Variants in LNX1 observed in about 807,000 individuals in gnomAD.
LNX1 encodes ligand of numb-protein X 1.
In LNX1, 54 loss-of-function variants were observed where a neutral mutation model predicts 68.4. The observed-to-expected ratio is 0.79, with a 90% CI of 0.63 to 0.99. The LOEUF (loss-of-function observed/expected upper bound fraction) is 0.99, where lower values mean the gene tolerates loss of function less well. LNX1 is among the 50% of genes least tolerant of loss of function. The pLI is 0.00. For synonymous variants in LNX1, 336 were observed against 350.0 expected (o/e 0.96, Z 0.45); for missense variants, 906 against 926.4 (o/e 0.98, Z 0.29).
At chr4:53,464,969 A>T (rs1722556615) in intron 9 of LNX1, among the ~76,000 whole-genome samples, 1 of 152,078 alleles carries the variant, frequency 6.6e-6, no homozygotes, top group South Asian at 2.1e-4. Context: ...AATCTGTAAG[A>T]TGTTTGATGA....
chr4:53,582,964 A>G (rs1333644100), intron 1 of LNX1, among the ~76,000 whole-genome samples: 3 of 152,216 alleles, frequency 2.0e-5, no homozygotes, highest in Non-Finnish European at 4.4e-5. Context: ...CCCAGCAGGC[A>G]TGTCTGCCTA....
chr4:53,631,313 CCA>C (rs1283329321), intron 1 of LNX1, among the ~76,000 whole-genome samples: 2 of 152,070 alleles, frequency 1.3e-5, no homozygotes, highest in Non-Finnish European at 2.9e-5. Context: ...CCTTTTCCAC[CCA>C]CTATTTCTGG....
chr4:53,596,483 C>T (rs920472725), upstream of LNX1, among the ~76,000 whole-genome samples: 4 of 152,190 alleles, frequency 2.6e-5, no homozygotes, highest in Non-Finnish European at 4.4e-5. Flanking sequence ...TTCATTGTTA[C>T]TGTGTTTATA....
intron 6 of LNX1, among the ~76,000 whole-genome samples, chr4:53,492,177 A>G (rs1433376139): frequency 6.6e-6 from 1 of 152,120 alleles, no homozygotes; most frequent in Non-Finnish European, 1.5e-5. Flanking sequence ...TATGAGCAGA[A>G]ATGGACACAA....
At chr4:53,598,193 C>T (rs916180362) in intron 2 of LNX1, among the ~76,000 whole-genome samples, 1 of 152,008 alleles carries the variant, frequency 6.6e-6, no homozygotes, top group African/African-American at 2.4e-5. Flanking sequence ...CTGTTCTGCA[C>T]TCGTGACATA....
intron 7 of LNX1, among the ~76,000 whole-genome samples, chr4:53,479,528 G>A (rs1380881404): frequency 6.6e-6 from 1 of 152,142 alleles, no homozygotes; most frequent in African/African-American, 2.4e-5. Context: ...AACCAGAAAA[G>A]CGACCAATGT....
intron 2 of LNX1, among the ~76,000 whole-genome samples, chr4:53,553,011 A>T (rs913597455): frequency 1.3e-5 from 2 of 152,152 alleles, no homozygotes; most frequent in African/African-American, 4.8e-5. Context: ...GAAACCAACC[A>T]GGGTCTTCTT....
chr4:53,591,285 C>G (rs1732490629), intron 1 of LNX1, 103 bp downstream of exon 1: 3 of 698,694 alleles, frequency 4.3e-6, no homozygotes, highest in Non-Finnish European at 5.3e-6. Flanking sequence ...ACACTAGCGA[C>G]AAGCCGTTCA....
chr4:53,600,656 A>G (rs529307286), intron 2 of LNX1, among the ~76,000 whole-genome samples: 35 of 152,284 alleles, frequency 2.3e-4, no homozygotes, highest in African/African-American at 8.2e-4. Flanking sequence ...AATCACGAGC[A>G]TGTGAAGACA....
Position 53,478,629 on chromosome 4 carries a change from CA to C in LNX1, c.1598del (p.Leu533CysfsTer14). On this transcript the variant is annotated frameshift_variant, in exon 8 of 11. Transcript: ENST00000263925. LOFTEE classifies it high-confidence loss of function. Reference sequence around the variant, plus strand: ...GCTCAACACTGATGACATAGATAGGCAAATCCCATTCTCTATGTGATGCTCC... The same window carrying C: ...GCTCAACACTGATGACATAGATAGGCAATCCCATTCTCTATGTGATGCTCC... ...AGGASHREWD[L>X]PIYVISVEPG... 1.9e-6 allele frequency: 3 copies of C among 1,614,074 alleles called. No individual in the cohort carries two copies. The highest frequency in any genetic ancestry group is 2.5e-6 in the Non-Finnish European group (3 of 1,179,976).
chr4:53,477,328 A>G (rs1452830538), intron 8 of LNX1, among the ~76,000 whole-genome samples: 1 of 152,190 alleles, frequency 6.6e-6, no homozygotes, highest in Non-Finnish European at 1.5e-5. Flanking sequence ...TGTTTTTAGC[A>G]TAAAGTAGGA....
At chr4:53,503,221 T>A (rs1725630407) in intron 4 of LNX1, among the ~76,000 whole-genome samples, 1 of 152,202 alleles carries the variant, frequency 6.6e-6, no homozygotes, top group Admixed American at 6.5e-5. Context: ...TATTTTGACC[T>A]CCTCCCATGA....
At chr4:53,555,228 A>T (rs1339172217) in intron 2 of LNX1, among the ~76,000 whole-genome samples, 1 of 152,146 alleles carries the variant, frequency 6.6e-6, no homozygotes, top group East Asian at 1.9e-4. Flanking sequence ...AGCGTGCTAA[A>T]CTGGCCCAGC....
At chr4:53,461,159 C>CGGGA (rs1722023373) in intron 10 of LNX1, 117 bp from the exon 11 acceptor site, 3 of 824,592 alleles carry the variant, frequency 3.6e-6, no homozygotes. Flanking sequence ...ATTATGTTAA[C>CGGGA]TTCTAATTGA....
chr4:53,486,711 C>T (rs192892238), intron 6 of LNX1, among the ~76,000 whole-genome samples: 1 of 152,164 alleles, frequency 6.6e-6, no homozygotes, highest in African/African-American at 2.4e-5. Flanking sequence ...AGGGTTAAAA[C>T]TAAGTAGCGT....
At chr4:53,605,773 A>G (rs965269251) in intron 2 of LNX1, among the ~76,000 whole-genome samples, 1 of 152,184 alleles carries the variant, frequency 6.6e-6, no homozygotes, top group African/African-American at 2.4e-5. Context: ...TAACAGCTGA[A>G]TAATATTCCA....
chr4:53,556,972 G>A (rs566215091), intron 2 of LNX1, among the ~76,000 whole-genome samples: 9 of 152,132 alleles, frequency 5.9e-5, no homozygotes, highest in Admixed American at 1.3e-4. Flanking sequence ...TATTTTTCCC[G>A]TCTGGTTAGG....
chr4:53,564,050 G>A (rs1730466415), intron 2 of LNX1, among the ~76,000 whole-genome samples: 1 of 152,214 alleles, frequency 6.6e-6, no homozygotes, highest in Non-Finnish European at 1.5e-5. Flanking sequence ...GCTGCTGTGG[G>A]CGCCTGTGAA....
chr4:53,463,347 C>A (rs1392286735), intron 9 of LNX1, among the ~76,000 whole-genome samples: 3 of 152,034 alleles, frequency 2.0e-5, no homozygotes, highest in African/African-American at 4.8e-5. Context: ...TATCAGTGTT[C>A]CTAGTTTTAT....
Sources: gnomAD v4.1 joint callset for allele counts (sites outside exome capture counted in the v4.1 genomes callset) on GRCh38, gnomAD v4.1.1 for gene constraint, MANE v1.5 for transcripts, NCBI Gene and HGNC (gene_info 2026-07-23, HGNC 2026-07-21) for gene names.